Variants in MORN5 observed in about 807,000 individuals in gnomAD.
MORN5 encodes the protein MORN repeat-containing protein 5.
In MORN5, 21 loss-of-function variants were observed where a neutral mutation model predicts 22.1. That is an observed-to-expected ratio of 0.95 (90% CI 0.67 to 1.37). MORN5 has a LOEUF of 1.37. MORN5 is among the 40% of genes most tolerant of loss of function. MORN5 has a pLI of 0.00. For missense variants in MORN5, 211 were observed against 215.1 expected (o/e 0.98, Z 0.12); for synonymous variants, 73 against 74.0 (o/e 0.99, Z 0.07).
At chr9:122,179,018 G>T (rs143191819) in intron 4 of MORN5, among the ~76,000 whole-genome samples, 27 of 152,312 alleles carry the variant, frequency 1.8e-4, no homozygotes, top group African/African-American at 5.3e-4. Context: ...CTTTACCCTG[G>T]AGGCCAGTAA....
intron 1 of MORN5, among the ~76,000 whole-genome samples, chr9:122,166,337 A>G (rs934143038): frequency 2.6e-5 from 4 of 151,736 alleles, no homozygotes; most frequent in African/African-American, 9.7e-5. Context: ...TCTAAATTTC[A>G]TATTTTCCCT....
chr9:122,164,184 A>T (rs1345717267), intron 1 of MORN5, among the ~76,000 whole-genome samples: 1 of 150,554 alleles, frequency 6.6e-6, no homozygotes, highest in Non-Finnish European at 1.5e-5. Context: ...TGAATTTTTT[A>T]AAATGGAAGA....
intron 4 of MORN5, among the ~76,000 whole-genome samples, chr9:122,183,470 T>C (rs1829566497): frequency 1.3e-5 from 2 of 152,214 alleles, no homozygotes; most frequent in Non-Finnish European, 2.9e-5. Flanking sequence ...ACATTATTAA[T>C]ATTCAAAGAA....
chr9:122,165,575 G>C (rs1829264319), intron 1 of MORN5, among the ~76,000 whole-genome samples: 1 of 151,748 alleles, frequency 6.6e-6, no homozygotes, highest in Non-Finnish European at 1.5e-5. Context: ...ATCTGGTCTT[G>C]GGAAAAAAAC....
chr9:122,166,419 G>A (rs1368234369), intron 1 of MORN5, among the ~76,000 whole-genome samples: 1 of 152,062 alleles, frequency 6.6e-6, no homozygotes, highest in African/African-American at 2.4e-5. Flanking sequence ...AGAACTAGCT[G>A]CCAGAAAACC....
At chr9:122,179,933 C>G (rs1475712413) in intron 4 of MORN5, among the ~76,000 whole-genome samples, 1 of 152,210 alleles carries the variant, frequency 6.6e-6, no homozygotes, top group Non-Finnish European at 1.5e-5. Context: ...TGAGGCCATC[C>G]CAGAGTAAAC....
In MORN5 at chr9:122,166,825, G is replaced by T; in HGVS notation, c.105G>T (p.Met35Ile). ...CCGAAACAATATATGTTGGGGAAAT[G>T]AAGGATGGCATGTTTCACGGCGAGG... Reference protein sequence around the residue: ...LPTETIYVGEMKDGMFHGEGT... With the variant: ...LPTETIYVGEIKDGMFHGEGT... The change falls in exon 2 of 5, where the codon ATG becomes ATT. Residue 35 changes from methionine (M) to isoleucine (I), a missense_variant. Coordinates refer to ENST00000373764, the MANE Select transcript of MORN5 (RefSeq NM_198469.4). The T allele has an allele frequency of 6.2e-7, 1 of 1,613,998 alleles. No homozygotes were observed. The highest frequency in any genetic ancestry group is 8.5e-7 in the Non-Finnish European group (1 of 1,179,960).
At chr9:122,193,516 C>T (rs1218672364) in intron 4 of MORN5, among the ~76,000 whole-genome samples, 1 of 152,194 alleles carries the variant, frequency 6.6e-6, no homozygotes, top group East Asian at 1.9e-4. Context: ...ACCCGGGAGG[C>T]GGGGGTTGCA....
At chr9:122,188,172 G>C (rs1163444305) in intron 4 of MORN5, among the ~76,000 whole-genome samples, 2 of 152,240 alleles carry the variant, frequency 1.3e-5, no homozygotes, top group African/African-American at 4.8e-5. Context: ...TTTAGCTTCA[G>C]TCCTTCAGAC....
intron 4 of MORN5, among the ~76,000 whole-genome samples, chr9:122,199,448 T>C (rs1829964854): frequency 6.6e-6 from 1 of 152,160 alleles, no homozygotes; most frequent in Admixed American, 6.5e-5. Flanking sequence ...AACCATGGGT[T>C]CTTGAAAGGG....
chr9:122,177,342 G>A (rs913932944), intron 4 of MORN5, among the ~76,000 whole-genome samples: 5 of 152,236 alleles, frequency 3.3e-5, no homozygotes, highest in Non-Finnish European at 2.9e-5. Context: ...CAAGGAGCCG[G>A]CTGGCAAAAC....
chr9:122,163,234 G>A (rs1264295374), intron 1 of MORN5, among the ~76,000 whole-genome samples: 2 of 152,150 alleles, frequency 1.3e-5, no homozygotes, highest in East Asian at 3.8e-4. Context: ...TGCTCTGGGT[G>A]GCTTTGCCTG....
chr9:122,191,132 A>T (rs538578443), intron 4 of MORN5, among the ~76,000 whole-genome samples: 2 of 152,298 alleles, frequency 1.3e-5, no homozygotes, highest in African/African-American at 4.8e-5. Context: ...TGTGGGTTGG[A>T]AGTGCCTCTG....
intron 4 of MORN5, among the ~76,000 whole-genome samples, chr9:122,195,545 T>G (rs1260104898): frequency 6.6e-6 from 1 of 152,154 alleles, no homozygotes; most frequent in Non-Finnish European, 1.5e-5. Context: ...CTGTCTGATG[T>G]TTTTTCTCAT....
intron 4 of MORN5, among the ~76,000 whole-genome samples, chr9:122,193,313 G>A (rs547697300): frequency 2.0e-5 from 3 of 152,238 alleles, no homozygotes; most frequent in Admixed American, 6.5e-5. Context: ...TCCGCCGGGC[G>A]CCGTGGCTCA....
At chr9:122,186,092 C>T (rs1432913617) in intron 4 of MORN5, among the ~76,000 whole-genome samples, 1 of 152,198 alleles carries the variant, frequency 6.6e-6, no homozygotes, top group South Asian at 2.1e-4. Context: ...AAATCAAATG[C>T]CCGCACCAAT....
intron 4 of MORN5, among the ~76,000 whole-genome samples, chr9:122,193,446 G>A (rs998220776): frequency 3.0e-4 from 45 of 152,280 alleles, no homozygotes; most frequent in African/African-American, 9.6e-4. Context: ...TTAGCTGGGC[G>A]TGGTGGCGCA....
chr9:122,162,653 A>C (rs1829218680), intron 1 of MORN5, among the ~76,000 whole-genome samples: 4 of 152,246 alleles, frequency 2.6e-5, no homozygotes, highest in Admixed American at 1.3e-4. Context: ...AAAGGAGTGA[A>C]CTATTGGTAC....
At chr9:122,192,177 C>T (rs1829784821) in intron 4 of MORN5, among the ~76,000 whole-genome samples, 2 of 152,260 alleles carry the variant, frequency 1.3e-5, no homozygotes, top group East Asian at 1.9e-4. Context: ...GGCTCCAGAA[C>T]TCCTTCTAGT....
Sources: allele counts gnomAD v4.1 joint callset (sites outside exome capture counted in the v4.1 genomes callset), GRCh38; gene constraint gnomAD v4.1.1; transcripts MANE v1.5; gene names NCBI Gene and HGNC (gene_info 2026-07-23, HGNC 2026-07-21).